Variants in SIPA1L1 observed in about 807,000 individuals in gnomAD.
The protein encoded by SIPA1L1 is signal-induced proliferation-associated 1-like protein 1.
SIPA1L1 carries 26 observed loss-of-function variants against 162.7 expected under a neutral mutation model. The observed-to-expected ratio is 0.16, with a 90% CI of 0.12 to 0.22. The LOEUF is 0.22. SIPA1L1 is among the 10% of genes least tolerant of loss of function. SIPA1L1 has a pLI of 1.00. For synonymous variants in SIPA1L1, 829 were observed against 837.4 expected, an observed-to-expected ratio of 0.99 and a Z score of 0.17; for missense variants, 1,874 against 2,241.0, an observed-to-expected ratio of 0.84 and a Z score of 3.31.
intron 2 of SIPA1L1, among the ~76,000 whole-genome samples, chr14:71,494,670 G>A (rs2049584359): frequency 6.6e-6 from 1 of 151,830 alleles, no homozygotes; most frequent in Non-Finnish European, 1.5e-5. Flanking sequence ...GGGACTATAG[G>A]CACACGCAAC....
intron 4 of SIPA1L1, among the ~76,000 whole-genome samples, chr14:71,548,211 T>A (rs1190725567): frequency 6.6e-6 from 1 of 152,156 alleles, no homozygotes; most frequent in Non-Finnish European, 1.5e-5. Flanking sequence ...CAGGCAAACA[T>A]GTGCTACTTA....
At chr14:71,351,107 C>CA (rs2140604910) in intron 2 of SIPA1L1, among the ~76,000 whole-genome samples, 1 of 152,212 alleles carries the variant, frequency 6.6e-6, no homozygotes, top group African/African-American at 2.4e-5. Context: ...TATAAAATTT[C>CA]AAAGAGGTGA....
At chr14:71,659,869 A>G (rs371230759) in intron 9 of SIPA1L1, among the ~76,000 whole-genome samples, 29 of 152,258 alleles carry the variant, frequency 1.9e-4, no homozygotes, top group Admixed American at 5.9e-4. Context: ...AGAAATTGGT[A>G]CTGCAACATA....
At chr14:71,404,537 C>A (rs1240668484) in intron 2 of SIPA1L1, among the ~76,000 whole-genome samples, 1 of 152,096 alleles carries the variant, frequency 6.6e-6, no homozygotes, top group Non-Finnish European at 1.5e-5. Context: ...CTACAGAGCC[C>A]AAGGTTCTAG....
chr14:71,433,292 T>C (rs1345184872), intron 2 of SIPA1L1, among the ~76,000 whole-genome samples: 2 of 152,234 alleles, frequency 1.3e-5, no homozygotes, highest in African/African-American at 2.4e-5. Flanking sequence ...AGATTATCAA[T>C]GGAGTTTGAA....
chr14:71,641,997 A>T (rs2041762137), intron 7 of SIPA1L1, among the ~76,000 whole-genome samples: 1 of 152,214 alleles, frequency 6.6e-6, no homozygotes, highest in Admixed American at 6.5e-5. Flanking sequence ...TACGCCTTGC[A>T]TTTACTCTTC....
At chr14:71,723,621 C>G (rs780754387) in intron 17 of SIPA1L1, 26 bp from the exon 18 acceptor site, 1 of 1,612,990 alleles carries the variant, frequency 6.2e-7, no homozygotes, top group Admixed American at 1.7e-5. Context: ...CTGAGATACA[C>G]ATGTCTTTGC....
At chr14:71,595,315 G>A (rs150965272) in intron 5 of SIPA1L1, among the ~76,000 whole-genome samples, 166 of 152,248 alleles carry the variant, frequency 1.1e-3, no homozygotes, top group African/African-American at 3.8e-3. Flanking sequence ...GAAAGTTCAC[G>A]TGAAAAATTT....
chr14:71,558,487 T>C (rs921257654), intron 4 of SIPA1L1, among the ~76,000 whole-genome samples: 3 of 152,166 alleles, frequency 2.0e-5, no homozygotes, highest in Non-Finnish European at 1.5e-5. Context: ...GGGAGAAGGT[T>C]ACTAAAGAGC....
At chr14:71,505,419 TTC>T (rs2050580708) in intron 2 of SIPA1L1, among the ~76,000 whole-genome samples, 1 of 143,088 alleles carries the variant, frequency 7.0e-6, no homozygotes, top group Non-Finnish European at 1.6e-5. Context: ...TCTCTCTTTC[TTC>T]TTTTTTTTTT....
chr14:71,470,381 A>G (rs1224842858), intron 2 of SIPA1L1, among the ~76,000 whole-genome samples: 4 of 152,204 alleles, frequency 2.6e-5, no homozygotes, highest in African/African-American at 4.8e-5. Flanking sequence ...GTCTGCTGTG[A>G]ATTGCTATCT....
At chr14:71,403,273 A>G (rs2041806233) in intron 2 of SIPA1L1, among the ~76,000 whole-genome samples, 1 of 152,164 alleles carries the variant, frequency 6.6e-6, no homozygotes, top group African/African-American at 2.4e-5. Context: ...AGTTATTTAC[A>G]TATATGTATA....
At chr14:71,446,920 T>G (rs1157856206) in intron 2 of SIPA1L1, among the ~76,000 whole-genome samples, 1 of 109,266 alleles carries the variant, frequency 9.2e-6, no homozygotes, top group Non-Finnish European at 1.9e-5. Flanking sequence ...TTTTTTTTTT[T>G]TTTTTTTTTG....
intron 10 of SIPA1L1, among the ~76,000 whole-genome samples, chr14:71,668,715 C>T (rs2149339451): frequency 6.6e-6 from 1 of 152,236 alleles, no homozygotes; most frequent in East Asian, 1.9e-4. Flanking sequence ...CTAGATAACC[C>T]TGCTGAGTAG....
intron 17 of SIPA1L1, 91 bp from the exon 18 acceptor site, chr14:71,723,556 C>T: frequency 6.9e-7 from 1 of 1,441,774 alleles, no homozygotes; most frequent in African/African-American, 1.4e-5. Context: ...CACTGTTGTT[C>T]AACCCAGCCA....
chr14:71,371,370 G>A (rs1392674211), intron 2 of SIPA1L1, among the ~76,000 whole-genome samples: 2 of 151,996 alleles, frequency 1.3e-5, no homozygotes, highest in African/African-American at 2.4e-5. Context: ...GTAACAGAAG[G>A]CAGCCTCAAA....
chr14:71,689,021 G>T (rs1334944940), intron 13 of SIPA1L1, among the ~76,000 whole-genome samples: 1 of 151,980 alleles, frequency 6.6e-6, no homozygotes, highest in African/African-American at 2.4e-5. Context: ...GTCCATTTTG[G>T]GTGAAAACAC....
intron 2 of SIPA1L1, among the ~76,000 whole-genome samples, chr14:71,471,967 A>C (rs969719288): frequency 9.9e-5 from 15 of 152,220 alleles, no homozygotes; most frequent in Non-Finnish European, 1.9e-4. Flanking sequence ...TAGAGGAGGA[A>C]GGTAGAAGCA....
chr14:71,566,183 CATGA>C (rs893216847), intron 4 of SIPA1L1, among the ~76,000 whole-genome samples: 10 of 152,078 alleles, frequency 6.6e-5, no homozygotes, highest in African/African-American at 2.4e-4. Context: ...AATATGATCA[CATGA>C]ATGATCTTAG....
Sources: allele counts gnomAD v4.1 joint callset (sites outside exome capture counted in the v4.1 genomes callset), GRCh38; gene constraint gnomAD v4.1.1; transcripts MANE v1.5; gene names NCBI Gene and HGNC (gene_info 2026-07-23, HGNC 2026-07-21).